Variants in TP63 observed in about 807,000 individuals in gnomAD.
TP63 encodes the protein tumor protein 63.
A neutral mutation model predicts 82.8 loss-of-function variants in TP63; 17 were observed. The observed-to-expected ratio is 0.21, with a 90% CI of 0.14 to 0.31. The LOEUF is 0.31. Ranked by LOEUF, TP63 falls within the 10% of genes least tolerant of loss-of-function variation. TP63 has a pLI of 1.00. For synonymous variants in TP63, 330 were observed against 321.7 expected, an observed-to-expected ratio of 1.03 and a Z score of -0.28; for missense variants, 648 against 895.3, an observed-to-expected ratio of 0.72 and a Z score of 3.52.
chr3:189,624,048 CT>C, the TP63 span, among the ~76,000 whole-genome samples: 3,930 of 152,216 alleles, frequency 0.026, 165 homozygotes, highest in African/African-American at 0.085. Context: ...TAAACACTAT[CT>C]TTGATTTTTG....
chr3:189,648,288 A>AAC (rs887792698), intron 1 of TP63, among the ~76,000 whole-genome samples: 2 of 146,968 alleles, frequency 1.4e-5, no homozygotes, highest in Non-Finnish European at 3.0e-5. Context: ...TTGTCCATAT[A>AAC]ACACACATCA....
At chr3:189,707,881 A>G (rs1392276425) in intron 1 of TP63, among the ~76,000 whole-genome samples, 1 of 152,212 alleles carries the variant, frequency 6.6e-6, no homozygotes, top group Non-Finnish European at 1.5e-5. Flanking sequence ...TAGCTATAAT[A>G]AAAGTACTAT....
At chr3:189,596,933 CCA>C in the TP63 span, among the ~76,000 whole-genome samples, 1 of 152,170 alleles carries the variant, frequency 6.6e-6, no homozygotes, top group East Asian at 1.9e-4. Flanking sequence ...ACGAACAACT[CCA>C]GACGCACCGC....
In TP63 at chr3:189,875,621, T is replaced by C. The variant is rs866936370; in HGVS notation, c.1349+2626T>C. ...ATATATATATATATATATATATATA[T>C]ATATATATATATATATAAACTATTC... On this transcript the variant is annotated intron_variant, in intron 10 of 13. Transcript: ENST00000264731. Among the ~76,000 whole-genome samples, 18 of 101,390 alleles carry C rather than the reference T, an allele frequency of 1.8e-4. 2 individuals carry two copies. Among genetic ancestry groups the C allele is most frequent in the Admixed American group, 2.9e-4 (3 of 10,464 alleles). 66.5% of individuals were successfully genotyped at this position (101,390 alleles called of 152,430 possible).
chr3:189,875,637 T>TATATATATAA (rs1169970699), intron 10 of TP63, among the ~76,000 whole-genome samples: 18 of 128,816 alleles, frequency 1.4e-4, no homozygotes, highest in Non-Finnish European at 1.6e-4. Flanking sequence ...TATATATATA[T>TATATATATAA]AAACTATTCT....
At chr3:189,843,985 C>A (rs1214013779) in intron 4 of TP63, among the ~76,000 whole-genome samples, 1 of 152,120 alleles carries the variant, frequency 6.6e-6, no homozygotes, top group Non-Finnish European at 1.5e-5. Context: ...TTAGTGTTTT[C>A]AATCTAACCA....
intron 4 of TP63, among the ~76,000 whole-genome samples, chr3:189,810,054 G>T (rs1727361117): frequency 6.6e-6 from 1 of 152,176 alleles, no homozygotes; most frequent in Non-Finnish European, 1.5e-5. Flanking sequence ...GGTTTGAGAA[G>T]TAATTCTCCG....
At chr3:189,684,734 G>A (rs984838705) in intron 1 of TP63, among the ~76,000 whole-genome samples, 1 of 150,990 alleles carries the variant, frequency 6.6e-6, no homozygotes, top group Non-Finnish European at 1.5e-5. Context: ...GAGTTCAAGC[G>A]ATTCTCATGC....
At chr3:189,714,210 T>A (rs1718797686) in intron 1 of TP63, among the ~76,000 whole-genome samples, 1 of 152,144 alleles carries the variant, frequency 6.6e-6, no homozygotes, top group Non-Finnish European at 1.5e-5. Context: ...AGGTGGACTT[T>A]GGGAAAGGTA....
In TP63 at chr3:189,875,589, CATACATATAT is replaced by C. The variant is rs1199013417; in HGVS notation, c.1349+2598_1349+2607del. Among the ~76,000 whole-genome samples the C allele has an allele frequency of 7.9e-3, 352 of 44,410 alleles. 33 individuals carry two copies. The highest frequency in any genetic ancestry group is 0.033 in the East Asian group (41 of 1,240). 29.1% of individuals were successfully genotyped at this position (44,410 alleles called of 152,430 possible). ...TCAAAAAGAAAAAGAAAAAAAAATA[CATACATATAT>C]ATATATATATATATATATATATATA... On this transcript the variant is annotated intron_variant, in intron 10 of 13. Transcript: ENST00000264731.
At chr3:189,791,556 A>C (rs1185338178) in intron 3 of TP63, among the ~76,000 whole-genome samples, 1 of 152,114 alleles carries the variant, frequency 6.6e-6, no homozygotes. Flanking sequence ...CAAGAGCTAC[A>C]AAAGGCATCC....
chr3:189,831,803 G>A (rs1222458584), intron 4 of TP63, among the ~76,000 whole-genome samples: 3 of 143,638 alleles, frequency 2.1e-5, no homozygotes. Flanking sequence ...GATGTGCCAT[G>A]AAAGCTATTA....
the TP63 span, among the ~76,000 whole-genome samples, chr3:189,625,062 T>C: frequency 1.2e-4 from 18 of 152,296 alleles, no homozygotes; most frequent in African/African-American, 4.1e-4. Flanking sequence ...GAAAGGAGTA[T>C]TGGAGTAGAG....
chr3:189,855,965 C>T (rs1273021650), intron 4 of TP63, among the ~76,000 whole-genome samples: 1 of 151,802 alleles, frequency 6.6e-6, no homozygotes, highest in Non-Finnish European at 1.5e-5. Context: ...TATACCTTCA[C>T]ATAGAAGGTT....
chr3:189,720,179 A>G (rs1719276440), intron 1 of TP63, among the ~76,000 whole-genome samples: 1 of 152,122 alleles, frequency 6.6e-6, no homozygotes, highest in Admixed American at 6.6e-5. Flanking sequence ...CTAAAGCATC[A>G]TTGCTAAATT....
intron 1 of TP63, among the ~76,000 whole-genome samples, chr3:189,669,470 T>C (rs538022737): frequency 1.3e-5 from 2 of 152,068 alleles, no homozygotes; most frequent in East Asian, 3.9e-4. Flanking sequence ...GATAAATAAT[T>C]GGGCAAATAG....
chr3:189,763,074 C>G lies in TP63; in HGVS notation c.324+24300C>G, dbSNP rs1183477904. ...TAGCTTGAGCTTGGGAGTTCAAGAT[C>G]AGCCAGGGTAACCTAGTGAGACCCC... On this transcript the variant is annotated intron_variant, in intron 3 of 13. Transcript: ENST00000264731. Among the ~76,000 whole-genome samples, 3 of 152,216 alleles carry G rather than the reference C, an allele frequency of 2.0e-5. No individual in the cohort carries two copies. The East Asian group carries it at 5.8e-4, about 29-fold the overall frequency.
At chr3:189,838,881 CCTA>C (rs1315833490) in intron 4 of TP63, among the ~76,000 whole-genome samples, 1 of 151,718 alleles carries the variant, frequency 6.6e-6, no homozygotes, top group Non-Finnish European at 1.5e-5. Context: ...CAGCAATTTG[CCTA>C]TAGGATAGTA....
chr3:189,891,257 G>C (rs892513576), intron 13 of TP63, among the ~76,000 whole-genome samples: 1 of 152,158 alleles, frequency 6.6e-6, no homozygotes, highest in Non-Finnish European at 1.5e-5. Flanking sequence ...GCAGGGCACC[G>C]GTGGTGCTAT....
Sources: allele counts gnomAD v4.1 joint callset (sites outside exome capture counted in the v4.1 genomes callset), GRCh38; gene constraint gnomAD v4.1.1; transcripts MANE v1.5; gene names NCBI Gene and HGNC (gene_info 2026-07-23, HGNC 2026-07-21).